CDKAL1: variants seen among roughly 807,000 people sequenced by gnomAD.
CDKAL1 encodes the protein CDKAL1 threonylcarbamoyladenosine tRNA methylthiotransferase.
CDKAL1 carries 32 observed loss-of-function variants against 68.2 expected under a neutral mutation model. The observed-to-expected ratio is 0.47, with a 90% CI of 0.35 to 0.63. CDKAL1 has a LOEUF of 0.63. Among genes scored for constraint, CDKAL1 ranks in the 30% least tolerant of loss-of-function variants. CDKAL1 has a pLI of 0.00. For synonymous variants in CDKAL1, 234 were observed against 244.3 expected, an observed-to-expected ratio of 0.96 and a Z score of 0.39; for missense variants, 606 against 696.7, an observed-to-expected ratio of 0.87 and a Z score of 1.47.
chr6:20,886,703 A>G (rs967531059), intron 9 of CDKAL1, among the ~76,000 whole-genome samples: 7 of 152,206 alleles, frequency 4.6e-5, no homozygotes, highest in Non-Finnish European at 1.0e-4. Context: ...TCATGGAGAC[A>G]AGAAGTAGAT....
At chr6:20,730,382 G>A (rs1213301390) in intron 5 of CDKAL1, among the ~76,000 whole-genome samples, 5 of 137,690 alleles carry the variant, frequency 3.6e-5, no homozygotes, top group Admixed American at 1.5e-4. Context: ...AGCCCGACCC[G>A]AAAAAAAAGG....
chr6:20,923,750 C>A (rs933086985), intron 9 of CDKAL1, among the ~76,000 whole-genome samples: 3 of 152,200 alleles, frequency 2.0e-5, no homozygotes. Flanking sequence ...TGGCGGCACA[C>A]GCCTGTAATC....
intron 8 of CDKAL1, among the ~76,000 whole-genome samples, chr6:20,795,794 T>C (rs937328649): frequency 6.6e-6 from 1 of 152,198 alleles, no homozygotes; most frequent in Non-Finnish European, 1.5e-5. Flanking sequence ...TTGAAAAGCA[T>C]ATACTACCTG....
chr6:20,981,564 G>A (rs547247621), intron 10 of CDKAL1, among the ~76,000 whole-genome samples: 18 of 152,230 alleles, frequency 1.2e-4, no homozygotes, highest in South Asian at 4.2e-4. Context: ...TGATGAGGCC[G>A]GGCACAGTGG....
At chr6:20,826,167 C>G (rs529689262) in intron 8 of CDKAL1, among the ~76,000 whole-genome samples, 2 of 152,198 alleles carry the variant, frequency 1.3e-5, no homozygotes, top group African/African-American at 4.8e-5. Context: ...GCCACTTTTC[C>G]ACTCTCATGG....
At chr6:20,859,628 G>T (rs1325423442) in intron 9 of CDKAL1, among the ~76,000 whole-genome samples, 4 of 152,142 alleles carry the variant, frequency 2.6e-5, no homozygotes, top group Non-Finnish European at 5.9e-5. Context: ...AAGAATATGG[G>T]AGGAAAAAAA....
At chr6:20,609,513 A>C (rs1011237149) in intron 4 of CDKAL1, among the ~76,000 whole-genome samples, 1 of 150,868 alleles carries the variant, frequency 6.6e-6, no homozygotes, top group Admixed American at 6.6e-5. Flanking sequence ...CTCCTGCCTC[A>C]GCCTCCCGAG....
chr6:20,555,162 T>G (rs1332931254), intron 4 of CDKAL1, among the ~76,000 whole-genome samples: 6 of 152,228 alleles, frequency 3.9e-5, no homozygotes, highest in Non-Finnish European at 8.8e-5. Flanking sequence ...AGCCATGGAT[T>G]CCAGCAGACA....
chr6:21,066,380 C>T (rs934951584), intron 12 of CDKAL1, among the ~76,000 whole-genome samples: 1 of 152,072 alleles, frequency 6.6e-6, no homozygotes, highest in African/African-American at 2.4e-5. Flanking sequence ...GATTGTAACA[C>T]CACAAATCGT....
chr6:20,988,713 G>T (rs149820084), intron 10 of CDKAL1, among the ~76,000 whole-genome samples: 1 of 151,808 alleles, frequency 6.6e-6, no homozygotes, highest in Non-Finnish European at 1.5e-5. Flanking sequence ...GCAGTGGCAC[G>T]ATCTCAGCTC....
chr6:20,630,988 T>C (rs1338796164), intron 4 of CDKAL1, among the ~76,000 whole-genome samples: 1 of 152,230 alleles, frequency 6.6e-6, no homozygotes, highest in Non-Finnish European at 1.5e-5. Context: ...AATTGAAATG[T>C]ATAGGAAATT....
intron 4 of CDKAL1, among the ~76,000 whole-genome samples, chr6:20,570,088 AT>A (rs1764635582): frequency 6.6e-6 from 1 of 151,992 alleles, no homozygotes; most frequent in African/African-American, 2.4e-5. Flanking sequence ...TTATTTATTT[AT>A]TTTTATTTTT....
intron 4 of CDKAL1, among the ~76,000 whole-genome samples, chr6:20,560,103 T>G (rs2127667806): frequency 6.6e-6 from 1 of 152,330 alleles, no homozygotes; most frequent in Admixed American, 6.5e-5. Context: ...TATTTTTAGC[T>G]ATTGGGCAAG....
intron 8 of CDKAL1, among the ~76,000 whole-genome samples, chr6:20,837,262 G>A (rs1372245245): frequency 2.0e-5 from 3 of 152,018 alleles, no homozygotes; most frequent in African/African-American, 7.3e-5. Flanking sequence ...TCTGAATTTA[G>A]CTTTCTAGTT....
At position 20,863,357 on chromosome 6, in the gene CDKAL1, C is replaced by G. The variant is rs181797326; in HGVS notation, c.742+17179C>G. On this transcript the variant is annotated intron_variant, in intron 9 of 15. Coordinates refer to ENST00000274695, the MANE Select transcript of CDKAL1 (RefSeq NM_017774.3). ...CTTCATACATCATCAATAGTGCTTA[C>G]TAGATTTAGACAAAGTGATTTGTTT... 3.3e-3 allele frequency among the ~76,000 whole-genome samples: 508 copies of G among 152,270 alleles called. 2 individuals carry two copies. The highest frequency in any genetic ancestry group is 3.1e-3 in the Non-Finnish European group (210 of 68,028).
intron 8 of CDKAL1, among the ~76,000 whole-genome samples, chr6:20,812,121 A>G (rs1482679521): frequency 6.6e-6 from 1 of 152,146 alleles, no homozygotes; most frequent in African/African-American, 2.4e-5. Flanking sequence ...GAATTTTTTT[A>G]AAAATTTGGT....
chr6:20,952,801 T>TA (rs372707706), intron 9 of CDKAL1, among the ~76,000 whole-genome samples: 179 of 152,374 alleles, frequency 1.2e-3, no homozygotes, highest in African/African-American at 4.1e-3. Context: ...CTGCCTGTGC[T>TA]ATGACTAATC....
At chr6:21,014,105 A>G (rs1768168653) in intron 11 of CDKAL1, among the ~76,000 whole-genome samples, 1 of 152,186 alleles carries the variant, frequency 6.6e-6, no homozygotes, top group Non-Finnish European at 1.5e-5. Context: ...CCCTACCTTG[A>G]AGGTTACTGT....
chr6:20,569,875 G>A (rs943752094), intron 4 of CDKAL1, among the ~76,000 whole-genome samples: 2 of 152,118 alleles, frequency 1.3e-5, no homozygotes, highest in Non-Finnish European at 2.9e-5. Context: ...AAGATGGCTG[G>A]TAGGTAACAT....
Sources: allele counts gnomAD v4.1 joint callset (sites outside exome capture counted in the v4.1 genomes callset), GRCh38; gene constraint gnomAD v4.1.1; transcripts MANE v1.5; gene names NCBI Gene and HGNC (gene_info 2026-07-23, HGNC 2026-07-21).